PLCE1: variants seen among roughly 807,000 people sequenced by gnomAD.
PLCE1 encodes 1-phosphatidylinositol 4,5-bisphosphate phosphodiesterase epsilon-1.
PLCE1 carries 119 observed loss-of-function variants against 242.8 expected under a neutral mutation model. The observed-to-expected ratio is 0.49, with a 90% CI of 0.42 to 0.57. PLCE1 has a LOEUF of 0.57. Ranked by LOEUF, PLCE1 falls within the 20% of genes least tolerant of loss-of-function variation. The pLI, the probability that PLCE1 is intolerant of heterozygous loss-of-function variation, is 0.00. For synonymous variants in PLCE1, 945 were observed against 1,017.4 expected (o/e 0.93, Z 1.35); for missense variants, 2,441 against 2,788.8 (o/e 0.88, Z 2.81).
At chr10:94,191,729 A>G (rs2048674282) in intron 4 of PLCE1, among the ~76,000 whole-genome samples, 1 of 152,178 alleles carries the variant, frequency 6.6e-6, no homozygotes, top group Non-Finnish European at 1.5e-5. Flanking sequence ...GTACATTTCA[A>G]TATTTTAAGG....
At chr10:94,183,767 G>A (rs1242474875) in intron 4 of PLCE1, among the ~76,000 whole-genome samples, 3 of 152,122 alleles carry the variant, frequency 2.0e-5, no homozygotes, top group South Asian at 2.1e-4. Context: ...TACTCATGGC[G>A]GGAGGTGAAA....
At chr10:94,276,145 G>C (rs965031159) in intron 19 of PLCE1, among the ~76,000 whole-genome samples, 3 of 152,158 alleles carry the variant, frequency 2.0e-5, no homozygotes, top group Admixed American at 2.0e-4. Flanking sequence ...CCAGCCACAT[G>C]GAGAGGCCTG....
chr10:94,255,930 T>A (rs879907726), intron 11 of PLCE1, among the ~76,000 whole-genome samples: 4,734 of 136,852 alleles, frequency 0.035, 45 homozygotes, highest in Middle Eastern at 0.061. Context: ...TCTCTCTCTC[T>A]CTCTCTCTCT....
intron 2 of PLCE1, among the ~76,000 whole-genome samples, chr10:94,055,143 A>G (rs1172113702): frequency 6.6e-6 from 1 of 151,914 alleles, no homozygotes; most frequent in East Asian, 1.9e-4. Context: ...GAATTATTTT[A>G]TTATAAGGAG....
intron 2 of PLCE1, among the ~76,000 whole-genome samples, chr10:94,094,438 A>G (rs1286237126): frequency 6.6e-6 from 1 of 152,154 alleles, no homozygotes; most frequent in East Asian, 1.9e-4. Flanking sequence ...GTGGGAGAGT[A>G]TGACAGGTGC....
intron 2 of PLCE1, among the ~76,000 whole-genome samples, chr10:94,123,343 A>G (rs970138454): frequency 6.6e-6 from 1 of 152,308 alleles, no homozygotes; most frequent in Admixed American, 6.5e-5. Context: ...GGTTCAGCTT[A>G]CTTCCCATAG....
chr10:94,210,155 G>A (rs891062941), intron 4 of PLCE1, among the ~76,000 whole-genome samples: 1 of 150,580 alleles, frequency 6.6e-6, no homozygotes, highest in Admixed American at 6.6e-5. Flanking sequence ...ATTGGTATAA[G>A]ATGTCACGTT....
intron 2 of PLCE1, among the ~76,000 whole-genome samples, chr10:94,086,631 G>A (rs1417891516): frequency 6.6e-6 from 1 of 152,140 alleles, no homozygotes; most frequent in African/African-American, 2.4e-5. Flanking sequence ...TGCCCAGCAC[G>A]GAGCACATGT....
At chr10:94,247,019 G>A (rs1328725384) in intron 8 of PLCE1, among the ~76,000 whole-genome samples, 1 of 151,314 alleles carries the variant, frequency 6.6e-6, no homozygotes. Context: ...GGCTGAGGCA[G>A]GAGAATCGCT....
At chr10:94,080,668 T>C (rs2044629633) in intron 2 of PLCE1, among the ~76,000 whole-genome samples, 1 of 152,228 alleles carries the variant, frequency 6.6e-6, no homozygotes, top group South Asian at 2.1e-4. Flanking sequence ...CACCAGCCTT[T>C]ACACTGTTTC....
intron 14 of PLCE1, 108 bp from the exon 15 acceptor site, chr10:94,265,539 G>T: frequency 1.0e-6 from 1 of 952,992 alleles, no homozygotes; most frequent in Non-Finnish European, 1.7e-6. Flanking sequence ...ATTTGGTTTA[G>T]ATGTTTCCTG....
intron 2 of PLCE1, among the ~76,000 whole-genome samples, chr10:94,072,433 T>C (rs1052003776): frequency 9.2e-5 from 14 of 152,060 alleles, no homozygotes. Flanking sequence ...CCCGCCACCA[T>C]GCCTGGCTAA....
At chr10:94,155,926 T>C (rs2047418359) in intron 3 of PLCE1, among the ~76,000 whole-genome samples, 1 of 152,086 alleles carries the variant, frequency 6.6e-6, no homozygotes, top group Non-Finnish European at 1.5e-5. Context: ...GCTGGAATTA[T>C]AGATGTGAGC....
chr10:94,197,532 T>C (rs1037220867), intron 4 of PLCE1, among the ~76,000 whole-genome samples: 1 of 152,248 alleles, frequency 6.6e-6, no homozygotes, highest in African/African-American at 2.4e-5. Flanking sequence ...CTAGTAGGTA[T>C]GAAGTGATAC....
chr10:94,133,012 G>A (rs953483703), intron 3 of PLCE1, among the ~76,000 whole-genome samples: 5 of 150,738 alleles, frequency 3.3e-5, no homozygotes, highest in Non-Finnish European at 7.4e-5. Flanking sequence ...TGGTTAAAAC[G>A]CTATCTTTAA....
At chr10:94,310,673 G>C (rs2053359799) in intron 27 of PLCE1, among the ~76,000 whole-genome samples, 1 of 152,144 alleles carries the variant, frequency 6.6e-6, no homozygotes, top group Non-Finnish European at 1.5e-5. Context: ...TGAGCTGGGT[G>C]ACCTCGATAT....
intron 1 of PLCE1, among the ~76,000 whole-genome samples, chr10:94,009,910 C>T (rs534834125): frequency 6.6e-5 from 10 of 152,350 alleles, no homozygotes; most frequent in African/African-American, 2.4e-4. Flanking sequence ...GCTGGTGGCT[C>T]TACCATTCTG....
chr10:94,302,113 A>C (rs2053059184), intron 24 of PLCE1, among the ~76,000 whole-genome samples: 1 of 152,176 alleles, frequency 6.6e-6, no homozygotes, highest in African/African-American at 2.4e-5. Flanking sequence ...CCCCAGATGA[A>C]GTTCTGGGAC....
chr10:94,235,822 A>G, intron 6 of PLCE1, 93 bp from the exon 7 acceptor site: 1 of 1,451,710 alleles, frequency 6.9e-7, no homozygotes, highest in Non-Finnish European at 9.5e-7. Context: ...CACAAATGCC[A>G]TTATTTATTA....
Sources: gnomAD v4.1 joint callset for allele counts (sites outside exome capture counted in the v4.1 genomes callset) on GRCh38, gnomAD v4.1.1 for gene constraint, MANE v1.5 for transcripts, NCBI Gene and HGNC (gene_info 2026-07-23, HGNC 2026-07-21) for gene names.